NLGN1: variants seen among roughly 807,000 people sequenced by gnomAD.
The protein encoded by NLGN1 is neuroligin-1.
Under a neutral mutation model 65.5 loss-of-function variants are expected in NLGN1, and 12 were observed. The ratio of observed to expected loss-of-function variants is 0.18; its 90% CI spans 0.12 to 0.30. The LOEUF (loss-of-function observed/expected upper bound fraction) is 0.30. Ranked by LOEUF, NLGN1 falls within the 10% of genes least tolerant of loss-of-function variation. The pLI is 1.00. For synonymous variants in NLGN1, 350 were observed against 359.5 expected, an observed-to-expected ratio of 0.97 and a Z score of 0.30; for missense variants, 750 against 1,007.1, an observed-to-expected ratio of 0.74 and a Z score of 3.46.
intron 4 of NLGN1, among the ~76,000 whole-genome samples, chr3:173,831,233 A>G (rs1037502697): frequency 6.6e-6 from 1 of 152,080 alleles, no homozygotes; most frequent in Admixed American, 6.6e-5. Flanking sequence ...CCTCATAGCT[A>G]TCCTGAAAAA....
At chr3:173,976,888 C>T (rs1717589618) in intron 4 of NLGN1, among the ~76,000 whole-genome samples, 1 of 152,058 alleles carries the variant, frequency 6.6e-6, no homozygotes, top group Non-Finnish European at 1.5e-5. Flanking sequence ...TTTCACTTCA[C>T]TGACTTGTAT....
At chr3:173,414,084 G>A (rs915554080) in intron 1 of NLGN1, among the ~76,000 whole-genome samples, 1 of 152,118 alleles carries the variant, frequency 6.6e-6, no homozygotes, top group Admixed American at 6.6e-5. Flanking sequence ...CATTGTATTA[G>A]GATGTGAACA....
At chr3:173,878,113 C>T (rs1732484025) in intron 4 of NLGN1, among the ~76,000 whole-genome samples, 2 of 152,130 alleles carry the variant, frequency 1.3e-5, no homozygotes, top group Admixed American at 6.6e-5. Context: ...GCAATCTCAG[C>T]TCACTGCAAC....
intron 3 of NLGN1, among the ~76,000 whole-genome samples, chr3:173,749,030 A>C (rs1186578321): frequency 6.6e-6 from 1 of 152,112 alleles, no homozygotes; most frequent in Admixed American, 6.6e-5. Context: ...GTTCAAATGC[A>C]TGCTTATGTC....
intron 4 of NLGN1, among the ~76,000 whole-genome samples, chr3:174,158,960 C>G (rs2152716482): frequency 6.6e-6 from 1 of 151,588 alleles, no homozygotes; most frequent in South Asian, 2.1e-4. Flanking sequence ...TTTCAGTCTC[C>G]TTTTTCAAAA....
At chr3:173,691,911 G>T (rs1201328686) in intron 3 of NLGN1, among the ~76,000 whole-genome samples, 1 of 152,056 alleles carries the variant, frequency 6.6e-6, no homozygotes, top group Admixed American at 6.6e-5. Flanking sequence ...ATTCCCATCT[G>T]TGGAAGGACT....
At chr3:174,203,453 T>C (rs1022164788) in intron 4 of NLGN1, among the ~76,000 whole-genome samples, 2 of 152,164 alleles carry the variant, frequency 1.3e-5, no homozygotes, top group African/African-American at 2.4e-5. Context: ...ATGAATCTTG[T>C]GAGACAGGGA....
chr3:173,490,308 A>C (rs923469599), intron 2 of NLGN1, among the ~76,000 whole-genome samples: 1 of 152,172 alleles, frequency 6.6e-6, no homozygotes, highest in Non-Finnish European at 1.5e-5. Flanking sequence ...AGCTTTCTAC[A>C]TATGGCTAGC....
At chr3:173,869,296 T>C in intron 4 of NLGN1, among the ~76,000 whole-genome samples, 1 of 152,188 alleles carries the variant, frequency 6.6e-6, no homozygotes, top group Non-Finnish European at 1.5e-5. Context: ...TTTCTTAACA[T>C]AGAAATTAAT....
chr3:174,203,308 T>TG (rs1438447427), intron 4 of NLGN1, among the ~76,000 whole-genome samples: 1 of 152,200 alleles, frequency 6.6e-6, no homozygotes, highest in African/African-American at 2.4e-5. Context: ...AAATCCTTAT[T>TG]TGAAGGTCCA....
intron 3 of NLGN1, among the ~76,000 whole-genome samples, chr3:173,627,740 T>C (rs1373246814): frequency 6.6e-6 from 1 of 152,108 alleles, no homozygotes; most frequent in Non-Finnish European, 1.5e-5. Context: ...TGCTTGTTTG[T>C]AGCAAATGAA....
intron 1 of NLGN1, among the ~76,000 whole-genome samples, chr3:173,427,131 C>T (rs983504943): frequency 2.6e-5 from 4 of 151,814 alleles, no homozygotes; most frequent in Non-Finnish European, 4.4e-5. Flanking sequence ...CAATAATCTC[C>T]AATAATCCTT....
At chr3:174,106,105 T>A (rs912412971) in intron 4 of NLGN1, among the ~76,000 whole-genome samples, 15 of 152,146 alleles carry the variant, frequency 9.9e-5, no homozygotes, top group African/African-American at 3.6e-4. Flanking sequence ...TAAAATGAAG[T>A]TCAAAAAAGT....
At chr3:173,571,692 T>A (rs775919411) in intron 2 of NLGN1, among the ~76,000 whole-genome samples, 6 of 152,260 alleles carry the variant, frequency 3.9e-5, no homozygotes, top group Non-Finnish European at 7.3e-5. Flanking sequence ...GGCTGGAATA[T>A]TATGAATCTT....
chr3:174,034,125 T>C (rs1730620212), intron 4 of NLGN1, among the ~76,000 whole-genome samples: 1 of 152,080 alleles, frequency 6.6e-6, no homozygotes, highest in African/African-American at 2.4e-5. Context: ...CCTTCCCATC[T>C]GAAGCCATGC....
chr3:173,857,705 TCTTTC>T (rs1333214457), intron 4 of NLGN1, among the ~76,000 whole-genome samples: 2 of 151,536 alleles, frequency 1.3e-5, no homozygotes, highest in African/African-American at 4.9e-5. Context: ...AGGGTGTTAC[TCTTTC>T]CTTATTTTAC....
At chr3:174,025,945 TCAAACTCTTA>T (rs1328519659) in intron 4 of NLGN1, among the ~76,000 whole-genome samples, 1 of 152,160 alleles carries the variant, frequency 6.6e-6, no homozygotes, top group Admixed American at 6.5e-5. Context: ...ATCTGTAGTT[TCAAACTCTTA>T]ACTAGAAATT....
intron 4 of NLGN1, among the ~76,000 whole-genome samples, chr3:174,022,090 C>A (rs1406956309): frequency 6.6e-6 from 1 of 151,888 alleles, no homozygotes; most frequent in Non-Finnish European, 1.5e-5. Context: ...TGCTACTTTA[C>A]CAAATTTCTG....
chr3:173,529,981 A>G (rs1354594102), intron 2 of NLGN1, among the ~76,000 whole-genome samples: 1 of 137,584 alleles, frequency 7.3e-6, no homozygotes, highest in Non-Finnish European at 1.5e-5. Flanking sequence ...TTTTTTAGAT[A>G]GAGTCTTACT....
Sources: gnomAD v4.1 joint callset for allele counts (sites outside exome capture counted in the v4.1 genomes callset) on GRCh38, gnomAD v4.1.1 for gene constraint, MANE v1.5 for transcripts, NCBI Gene and HGNC (gene_info 2026-07-23, HGNC 2026-07-21) for gene names.